TRUB1: variants seen among roughly 807,000 people sequenced by gnomAD.
TRUB1 encodes the protein TruB pseudouridine synthase family member 1, also known as pseudouridylate synthase TRUB1.
In TRUB1, 23 loss-of-function variants were observed where a neutral mutation model predicts 33.9. The observed-to-expected ratio is 0.68, with a 90% CI of 0.49 to 0.96. The LOEUF (loss-of-function observed/expected upper bound fraction) is 0.96, where lower values mean the gene tolerates loss of function less well. Ranked by LOEUF, TRUB1 falls within the 40% of genes least tolerant of loss-of-function variation. The pLI, the probability that TRUB1 is intolerant of heterozygous loss-of-function variation, is 0.00. For missense variants in TRUB1, 378 were observed against 422.2 expected (o/e 0.90, Z 0.92); for synonymous variants, 163 against 165.4 (o/e 0.99, Z 0.11).
chr10:114,942,135 C>T (rs909092307), intron 1 of TRUB1, among the ~76,000 whole-genome samples: 2 of 151,972 alleles, frequency 1.3e-5, no homozygotes, highest in Non-Finnish European at 2.9e-5. Flanking sequence ...AAGGAGACAG[C>T]GAATGCAGGG....
At chr10:114,951,737 T>C (rs1746112417) in intron 3 of TRUB1, among the ~76,000 whole-genome samples, 1 of 151,962 alleles carries the variant, frequency 6.6e-6, no homozygotes, top group Non-Finnish European at 1.5e-5. Context: ...CTTCCATCTC[T>C]CAAAGAGAGA....
chr10:114,961,017 A>T (rs1245577240), intron 4 of TRUB1, among the ~76,000 whole-genome samples: 2 of 152,170 alleles, frequency 1.3e-5, no homozygotes, highest in South Asian at 4.1e-4. Flanking sequence ...GTGGTGAAAA[A>T]TATAAGGCGC....
intron 3 of TRUB1, among the ~76,000 whole-genome samples, chr10:114,955,180 A>G (rs921224038): frequency 3.3e-5 from 5 of 152,210 alleles, no homozygotes; most frequent in African/African-American, 1.2e-4. Context: ...CCTTTGGCCT[A>G]AGTTGATCTA....
At position 114,975,471 on chromosome 10, in the gene TRUB1, A is replaced by C; in HGVS notation, c.*92A>C. The C allele has an allele frequency of 1.6e-6, 2 of 1,241,306 alleles. No individual in the cohort carries two copies. The highest frequency in any genetic ancestry group is 2.2e-6 in the Non-Finnish European group (2 of 925,162). 76.9% of individuals were successfully genotyped at this position (1,241,306 alleles called of 1,614,324 possible). ...AAGCTGCATTCAAAAGACAAACAAT[A>C]TGTCTTTTTTTTTTTTGCATGAAGA... On this transcript the variant is annotated 3_prime_UTR_variant, in exon 8 of 8. Transcript: ENST00000298746.
chr10:114,942,813 A>G, intron 2 of TRUB1, 70 bp downstream of exon 2: 1 of 1,002,976 alleles, frequency 1.0e-6, no homozygotes, highest in Admixed American at 1.8e-5. Context: ...GGTTGAGAAC[A>G]GATAGATTGA....
intron 3 of TRUB1, among the ~76,000 whole-genome samples, chr10:114,952,127 T>C (rs1592050051): frequency 6.6e-6 from 1 of 152,152 alleles, no homozygotes; most frequent in African/African-American, 2.4e-5. Flanking sequence ...CTTGACGTAG[T>C]AGTGGTTTAA....
At chr10:114,974,407 G>A (rs1564702735) in intron 7 of TRUB1, 22 bp downstream of exon 7, 1 of 1,593,816 alleles carries the variant, frequency 6.3e-7, no homozygotes, top group African/African-American at 1.3e-5. Flanking sequence ...AATGAATTAT[G>A]AATTATCATT....
intron 1 of TRUB1, among the ~76,000 whole-genome samples, chr10:114,942,441 A>G (rs1285794384): frequency 1.3e-5 from 2 of 152,140 alleles, no homozygotes; most frequent in African/African-American, 4.8e-5. Context: ...TGATTTTGGA[A>G]TACTCTTTCT....
chr10:114,959,821 C>A lies in TRUB1; in HGVS notation c.523+14C>A. 4 of 1,480,666 alleles carry A rather than the reference C, an allele frequency of 2.7e-6. No homozygotes were observed. Among genetic ancestry groups the A allele is most frequent in the Non-Finnish European group, 3.8e-6 (4 of 1,063,460 alleles). The allele number at this position is 1,480,666 out of a possible 1,614,324, so 91.7% of individuals were successfully genotyped here. On this transcript the variant is annotated intron_variant, in intron 4 of 7. Coordinates refer to ENST00000298746, the MANE Select transcript of TRUB1 (RefSeq NM_139169.5). ...AAAAACCTTACGGTATGAAGCTCAT[C>A]TAATGTAGGCCTCTTTTCTAACATT...
chr10:114,946,473 C>T (rs1207948162), intron 2 of TRUB1, among the ~76,000 whole-genome samples: 1 of 152,054 alleles, frequency 6.6e-6, no homozygotes, highest in African/African-American at 2.4e-5. Flanking sequence ...TCCTGACTAG[C>T]TGGGATTATA....
intron 2 of TRUB1, among the ~76,000 whole-genome samples, chr10:114,945,337 A>G (rs1426519535): frequency 6.6e-6 from 1 of 152,206 alleles, no homozygotes; most frequent in African/African-American, 2.4e-5. Flanking sequence ...TCAGTAGCCT[A>G]TACCAGTTGA....
intron 4 of TRUB1, among the ~76,000 whole-genome samples, chr10:114,968,830 T>C (rs564059977): frequency 3.9e-5 from 6 of 152,336 alleles, no homozygotes; most frequent in Admixed American, 2.6e-4. Flanking sequence ...TTAATTCTGG[T>C]ATTGGAAGAA....
intron 3 of TRUB1, among the ~76,000 whole-genome samples, chr10:114,953,953 A>G (rs1297149397): frequency 6.6e-6 from 1 of 152,120 alleles, no homozygotes; most frequent in East Asian, 1.9e-4. Context: ...CCCCACCTCC[A>G]ACACTGGGGA....
At chr10:114,956,973 G>A (rs140784458) in intron 3 of TRUB1, among the ~76,000 whole-genome samples, 1,568 of 152,262 alleles carry the variant, frequency 0.01, 19 homozygotes, top group Middle Eastern at 0.058. Context: ...AATCCAGCAC[G>A]TAGCTACATA....
At chr10:114,966,532 A>G (rs1387926329) in intron 4 of TRUB1, among the ~76,000 whole-genome samples, 3 of 152,208 alleles carry the variant, frequency 2.0e-5, no homozygotes, top group Non-Finnish European at 4.4e-5. Context: ...CTCAAAATCT[A>G]CTGGCAGTTT....
At chr10:114,949,006 C>T (rs1034123620) in intron 2 of TRUB1, among the ~76,000 whole-genome samples, 6 of 152,214 alleles carry the variant, frequency 3.9e-5, no homozygotes, top group South Asian at 2.1e-4. Context: ...CCTCTTTAGC[C>T]GTTTAGGATG....
intron 2 of TRUB1, among the ~76,000 whole-genome samples, chr10:114,945,685 A>T (rs1363665771): frequency 2.0e-5 from 3 of 152,018 alleles, no homozygotes; most frequent in South Asian, 2.1e-4. Context: ...TGTGATTTTT[A>T]TTTTTTTTAA....
Position 114,975,064 on chromosome 10 carries a change from A to G in TRUB1, c.794-59A>G, listed in dbSNP as rs576067067. On this transcript the variant is annotated intron_variant, in intron 7 of 7. Coordinates refer to ENST00000298746, the MANE Select transcript of TRUB1 (RefSeq NM_139169.5). ...AGTACGGTCATTTGAACAATTACAGACTATGAAATACTGAATCGTTTATCT... is the reference window on the plus strand; with the variant it reads ...AGTACGGTCATTTGAACAATTACAGGCTATGAAATACTGAATCGTTTATCT... 30 of 1,539,800 alleles carry G rather than the reference A, an allele frequency of 1.9e-5. No homozygotes were observed. In the African/African-American group the frequency reaches 2.9e-4, roughly 15 times the overall value.
rs1025348842 is a variant in TRUB1 at position 114,973,438 on chromosome 10, C to T, written c.737-891C>T. Among the ~76,000 whole-genome samples the T allele has an allele frequency of 3.9e-5, 6 of 152,302 alleles. No individual in the cohort carries two copies. In the East Asian group the frequency reaches 7.7e-4, roughly 20 times the overall value. ...CGCGCCTGCATTTCATCCCAGTGCC[C>T]ACTTTCAATTTCAGCAGTGGCCCCC... On this transcript the variant is annotated intron_variant, in intron 6 of 7. Transcript: ENST00000298746.
Sources: allele counts gnomAD v4.1 joint callset (sites outside exome capture counted in the v4.1 genomes callset), GRCh38; gene constraint gnomAD v4.1.1; transcripts MANE v1.5; gene names NCBI Gene and HGNC (gene_info 2026-07-23, HGNC 2026-07-21).